Variants in ASIC2 observed in about 807,000 individuals in gnomAD.
ASIC2 encodes the protein acid-sensing ion channel 2.
Under a neutral mutation model 57.3 loss-of-function variants are expected in ASIC2, and 25 were observed. That is an observed-to-expected ratio of 0.44 (90% CI 0.32 to 0.61). ASIC2 has a LOEUF of 0.61. Among genes scored for constraint, ASIC2 ranks in the 20% least tolerant of loss-of-function variants. The probability of loss-of-function intolerance (pLI) is 0.06; values close to 1 mark genes in which losing one functional copy is unlikely to be tolerated. For synonymous variants in ASIC2, 319 were observed against 307.5 expected (o/e 1.04, Z -0.39); for missense variants, 641 against 738.1 (o/e 0.87, Z 1.52).
chr17:33,370,546 G>C (rs1281832685), intron 1 of ASIC2, among the ~76,000 whole-genome samples: 1 of 152,224 alleles, frequency 6.6e-6, no homozygotes, highest in Non-Finnish European at 1.5e-5. Context: ...AGCAAGGTCT[G>C]TTACTCAAAG....
intron 1 of ASIC2, among the ~76,000 whole-genome samples, chr17:33,324,430 C>T (rs2142218823): frequency 6.6e-6 from 1 of 152,268 alleles, no homozygotes; most frequent in Admixed American, 6.5e-5. Context: ...TTATGATTCA[C>T]TCCTAACCCC....
chr17:33,386,514 A>G (rs993596888), intron 1 of ASIC2, among the ~76,000 whole-genome samples: 10 of 152,114 alleles, frequency 6.6e-5, no homozygotes, highest in Non-Finnish European at 1.3e-4. Context: ...TATTGATTTT[A>G]CCTATTAAAT....
chr17:33,870,778 TA>T (rs1914383624), intron 1 of ASIC2, among the ~76,000 whole-genome samples: 1 of 152,234 alleles, frequency 6.6e-6, no homozygotes, highest in African/African-American at 2.4e-5. Context: ...ATTGCAATAA[TA>T]AACTTACCTT....
At chr17:34,127,464 CAG>C (rs1911822003) in intron 1 of ASIC2, among the ~76,000 whole-genome samples, 1 of 152,246 alleles carries the variant, frequency 6.6e-6, no homozygotes, top group Non-Finnish European at 1.5e-5. Context: ...CCCCCACAGC[CAG>C]AGTTTCAATT....
At chr17:33,307,499 A>G (rs557236662) in intron 1 of ASIC2, among the ~76,000 whole-genome samples, 236 of 152,186 alleles carry the variant, frequency 1.6e-3, no homozygotes, top group Non-Finnish European at 2.5e-3. Flanking sequence ...TAGTAGAGAC[A>G]GGATTTCACC....
intron 1 of ASIC2, among the ~76,000 whole-genome samples, chr17:33,872,452 A>G (rs1370406960): frequency 6.6e-6 from 1 of 152,180 alleles, no homozygotes; most frequent in Non-Finnish European, 1.5e-5. Flanking sequence ...TGAGCCAGGT[A>G]TTCCTTCAGA....
chr17:33,579,505 A>T (rs891210979), intron 1 of ASIC2, among the ~76,000 whole-genome samples: 1 of 152,032 alleles, frequency 6.6e-6, no homozygotes, highest in Non-Finnish European at 1.5e-5. Context: ...CTGTGCCCAG[A>T]ATTGTCTCCT....
chr17:33,033,607 C>G (rs1294339220), intron 3 of ASIC2, among the ~76,000 whole-genome samples: 1 of 152,244 alleles, frequency 6.6e-6, no homozygotes, highest in Non-Finnish European at 1.5e-5. Flanking sequence ...TGCCTGGCCT[C>G]TCTATGCTCT....
intron 3 of ASIC2, among the ~76,000 whole-genome samples, chr17:33,080,551 T>TATAC (rs965779869): frequency 2.4e-4 from 37 of 152,108 alleles, no homozygotes; most frequent in African/African-American, 5.5e-4. Flanking sequence ...TTTTCCTATA[T>TATAC]ATACATACAT....
At chr17:33,861,042 T>C (rs1914088419) in intron 1 of ASIC2, among the ~76,000 whole-genome samples, 1 of 152,176 alleles carries the variant, frequency 6.6e-6, no homozygotes, top group Non-Finnish European at 1.5e-5. Context: ...GTATCCAGAG[T>C]CTGAAAACTA....
rs565541088 is a variant in ASIC2 at position 34,012,319 on chromosome 17, C to G, written c.555+143659G>C. On this transcript the variant is annotated intron_variant, in intron 1 of 9. Coordinates refer to the ASIC2 transcript ENST00000359872. The stretch of plus-strand genomic sequence containing the variant: ...AGCTACCTGTCTGAAGGATGCAGTC[C>G]CAGCATCTTTATAGCCTATCTCCAC... Among the ~76,000 whole-genome samples the G allele has an allele frequency of 5.3e-5, 8 of 152,278 alleles. 1 individual carries two copies. Among genetic ancestry groups the G allele is most frequent in the African/African-American group, 1.9e-4 (8 of 41,548 alleles).
At chr17:33,333,964 GTT>G (rs1907416494) in intron 1 of ASIC2, among the ~76,000 whole-genome samples, 3 of 152,206 alleles carry the variant, frequency 2.0e-5, no homozygotes. Context: ...CTTCAGTGGT[GTT>G]GGCACAACAA....
chr17:33,684,532 A>C (rs1440994460), intron 1 of ASIC2, among the ~76,000 whole-genome samples: 1 of 152,226 alleles, frequency 6.6e-6, no homozygotes, highest in Non-Finnish European at 1.5e-5. Context: ...TGACTTCCCA[A>C]GTGCAGAAGA....
chr17:33,410,584 C>T (rs569907153), intron 1 of ASIC2, among the ~76,000 whole-genome samples: 2 of 152,298 alleles, frequency 1.3e-5, no homozygotes, highest in African/African-American at 4.8e-5. Flanking sequence ...CCAGCCCATC[C>T]CATCAGATCA....
intron 6 of ASIC2, 33 bp downstream of exon 6, chr17:33,023,828 C>A: frequency 6.2e-7 from 1 of 1,612,602 alleles, no homozygotes; most frequent in South Asian, 1.1e-5. Flanking sequence ...CCAGTTCCCC[C>A]TTCCCCCTGC....
intron 1 of ASIC2, among the ~76,000 whole-genome samples, chr17:34,087,562 A>G (rs1411434028): frequency 2.0e-5 from 3 of 151,982 alleles, no homozygotes; most frequent in African/African-American, 4.8e-5. Context: ...CGTTCTCTCT[A>G]TTTCCTGAAT....
intron 1 of ASIC2, among the ~76,000 whole-genome samples, chr17:33,840,812 C>T (rs919123805): frequency 1.3e-5 from 2 of 151,964 alleles, no homozygotes; most frequent in Admixed American, 6.6e-5. Flanking sequence ...CACACACACA[C>T]ACACACACAC....
At chr17:33,791,134 T>C (rs1911757110) in intron 1 of ASIC2, among the ~76,000 whole-genome samples, 1 of 152,056 alleles carries the variant, frequency 6.6e-6, no homozygotes, top group South Asian at 2.1e-4. Flanking sequence ...CTGCTCAAAG[T>C]CAGGAGTCAC....
intron 1 of ASIC2, among the ~76,000 whole-genome samples, chr17:33,472,343 ATTGC>A (rs1913082505): frequency 6.6e-6 from 1 of 152,022 alleles, no homozygotes; most frequent in South Asian, 2.1e-4. Context: ...TTTAACAGGG[ATTGC>A]TTGCTAAACA....
Sources: allele counts gnomAD v4.1 joint callset (sites outside exome capture counted in the v4.1 genomes callset), GRCh38; gene constraint gnomAD v4.1.1; transcripts MANE v1.5; gene names NCBI Gene and HGNC (gene_info 2026-07-23, HGNC 2026-07-21).